STK25: variants seen among roughly 807,000 people sequenced by gnomAD.
STK25 encodes the protein serine/threonine kinase 25.
STK25 carries 29 observed loss-of-function variants against 53.8 expected under a neutral mutation model. That is an observed-to-expected ratio of 0.54 (90% CI 0.40 to 0.74). The LOEUF (loss-of-function observed/expected upper bound fraction) is 0.74, where lower values mean the gene tolerates loss of function less well. Ranked by LOEUF, STK25 falls within the 30% of genes least tolerant of loss-of-function variation. The probability of loss-of-function intolerance (pLI) is 0.00; values close to 1 mark genes in which losing one functional copy is unlikely to be tolerated. For missense variants in STK25, 420 were observed against 568.0 expected (o/e 0.74, Z 2.65); for synonymous variants, 247 against 238.3 (o/e 1.04, Z -0.33).
Position 241,501,674 on chromosome 2 carries a change from T to C in STK25, c.65A>G (p.Lys22Arg), listed in dbSNP as rs2065518833. ...CGAGCCCTTGCCAATGCGGTCGAGC[T>C]TGGTGAAGAGCTCCTCAGGGTCCAC... is the stretch of plus-strand genomic sequence containing the variant. ...SRVDPEELFT[K>R]LDRIGKGSFG... Residue 22 changes from lysine to arginine, a missense_variant, in exon 3 of 12, where the codon AAG becomes AGG. Lys to Arg is a conservative substitution (Grantham distance 26). Coordinates refer to ENST00000316586, the MANE Select transcript of STK25 (RefSeq NM_001271977.2). The surrounding 1 kb of genome is among the most constrained non-coding windows in gnomAD (Gnocchi z 5.3). 6.2e-7 allele frequency: 1 copy of C among 1,613,896 alleles called. No homozygotes were observed.
rs745982508 is a variant in STK25, at chr2:241,496,408, G to A, written c.1231C>T (p.Arg411Ter). 13 of 1,613,168 alleles carry A rather than the reference G, an allele frequency of 8.1e-6. No individual in the cohort carries two copies. Among genetic ancestry groups the A allele is most frequent in the African/African-American group, 2.7e-5 (2 of 74,880 alleles). Residue 411 changes from arginine to a stop codon, truncating the protein, a stop_gained, in exon 11 of 12, where the codon CGA becomes TGA. Coordinates refer to ENST00000316586, the MANE Select transcript of STK25 (RefSeq NM_001271977.2). LOFTEE classifies it high-confidence loss of function. The surrounding 1 kb of genome is among the most constrained non-coding windows in gnomAD (Gnocchi z 5.8). ...CACGGCCGCCCTCACCTCTGCACTC[G>A]CTCCACCAGGTGCACCATCAGCTTG... Reference protein sequence around the residue: ...SDKLMVHLVERVQRFSHNRNH... With the variant: ...SDKLMVHLVE
chr2:241,499,749 C>G (rs763145747), intron 5 of STK25: 1 of 478,064 alleles, frequency 2.1e-6, no homozygotes, highest in South Asian at 2.2e-5. Flanking sequence ...TGCCAGGAAG[C>G]CCCCTGCTCC....
Position 241,495,450 on chromosome 2 carries a change from CAT to C in STK25, c.*210_*211del, listed in dbSNP as rs1425322473. On this transcript the variant is annotated 3_prime_UTR_variant, in exon 12 of 12. Coordinates refer to ENST00000316586, the MANE Select transcript of STK25 (RefSeq NM_001271977.2). ...CCAGGAGAGGGAGGAGGGCAGTGGG[CAT>C]AGAGAACAGCGTCCCTGACGTGCAC... 1 of 580,154 alleles carries C rather than the reference CAT, an allele frequency of 1.7e-6. No homozygotes were observed. Among genetic ancestry groups the C allele is most frequent in the Non-Finnish European group, 3.1e-6 (1 of 323,382 alleles). The allele number at this position is 580,154 out of a possible 1,614,324, so 35.9% of individuals were successfully genotyped here. A position where few individuals can be genotyped will look rare whatever the true frequency, so the allele number is the denominator to read the frequency against.
At chr2:241,499,940 C>A (rs1302144661) in intron 5 of STK25, 2 of 628,846 alleles carry the variant, frequency 3.2e-6, no homozygotes, top group Non-Finnish European at 5.9e-6. Context: ...CCAAGTGTGG[C>A]CCTTTCCTAC....
In STK25 at chr2:241,494,030, G is replaced by A. The variant is rs1208409868; in HGVS notation, c.*1632C>T. On this transcript the variant is annotated 3_prime_UTR_variant, in exon 12 of 12. Coordinates refer to ENST00000316586, the MANE Select transcript of STK25 (RefSeq NM_001271977.2). This position sits in a 1 kb window ranked among gnomAD's most constrained non-coding sequence, Gnocchi z 4.9. ...CAGGTGGATGGAGGTGATCCAGGGG[G>A]CCAGCAGCTCAGCCGGGAGGGCCCC... The A allele has an allele frequency of 1.4e-5, 19 of 1,403,382 alleles. No homozygotes were observed. Among genetic ancestry groups the A allele is most frequent in the Non-Finnish European group, 1.8e-5 (19 of 1,076,766 alleles). The allele number at this position is 1,403,382 out of a possible 1,614,324, so 86.9% of individuals were successfully genotyped here.
chr2:241,503,349 G>T (rs546642225), intron 2 of STK25, among the ~76,000 whole-genome samples: 11 of 151,980 alleles, frequency 7.2e-5, no homozygotes, highest in African/African-American at 2.7e-4. Context: ...ACAGGCGTGA[G>T]CCACCACGCA....
At chr2:241,497,767 G>C (rs2065258440) in intron 9 of STK25, 80 bp from the exon 10 acceptor site, 2 of 1,404,188 alleles carry the variant, frequency 1.4e-6, no homozygotes, top group South Asian at 2.3e-5. Flanking sequence ...CCAGGCTCTA[G>C]CCTTGAAGAG....
rs2124961092 is a variant in STK25 at position 241,498,630 on chromosome 2, G to C, written c.917+9C>G. Reference sequence around the variant, plus strand: ...CTAGGGTCACCATGAGGATAAACCAGGTCCCTACATGTCAGAGTCCTCAGA... The same window carrying C: ...CTAGGGTCACCATGAGGATAAACCACGTCCCTACATGTCAGAGTCCTCAGA... On this transcript the variant is annotated intron_variant, in intron 8 of 11. Coordinates refer to ENST00000316586, the MANE Select transcript of STK25 (RefSeq NM_001271977.2). The C allele has an allele frequency of 6.2e-7, 1 of 1,610,994 alleles. No individual in the cohort carries two copies.
chr2:241,508,099 G>A lies in STK25; in HGVS notation c.-64C>T. On this transcript the variant is annotated 5_prime_UTR_variant, in exon 2 of 12. Transcript: ENST00000316586. Reference sequence around the variant, plus strand: ...AGGCGTCTGGATCCCGCGGAGAGGCGCGGAGCCGGCTAGCTCGCCCCTGCG... The same window carrying A: ...AGGCGTCTGGATCCCGCGGAGAGGCACGGAGCCGGCTAGCTCGCCCCTGCG... The A allele has an allele frequency of 1.9e-6, 3 of 1,553,224 alleles. No homozygotes were observed. The highest frequency in any genetic ancestry group is 1.4e-5 in the African/African-American group (1 of 72,836).
At chr2:241,500,659 G>A (rs2065453910) in intron 4 of STK25, 81 bp downstream of exon 4, 1 of 1,402,392 alleles carries the variant, frequency 7.1e-7, no homozygotes, top group South Asian at 1.2e-5. Flanking sequence ...CAAACGAGAG[G>A]TGGCCCCTGG....
At chr2:241,503,356 C>T (rs997666950) in intron 2 of STK25, among the ~76,000 whole-genome samples, 14 of 151,908 alleles carry the variant, frequency 9.2e-5, no homozygotes, top group Admixed American at 6.6e-4. Context: ...TGAGCCACCA[C>T]GCACGGCCCC....
chr2:241,493,552 G>A lies in STK25; in HGVS notation c.*2110C>T. 3 of 1,025,244 alleles carry A rather than the reference G, an allele frequency of 2.9e-6. No homozygotes were observed. The highest frequency in any genetic ancestry group is 3.0e-6 in the Non-Finnish European group (2 of 676,272). The allele number at this position is 1,025,244 out of a possible 1,614,324, so 63.5% of individuals were successfully genotyped here. ...AAGTTTTCTGGGCCCTGGAAAGGAA[G>A]GGCTGAGCAATGCTTCCAGCATTTC... On this transcript the variant is annotated 3_prime_UTR_variant, in exon 12 of 12. Coordinates refer to ENST00000316586, the MANE Select transcript of STK25 (RefSeq NM_001271977.2).
chr2:241,496,463 C>G lies in STK25; in HGVS notation c.1176G>C (p.Leu392=). The part of the protein sequence containing the change: ...ALEELENAFS[L]AEESCPGISD... ...AGATGCCGGGGCAGGACTCCTCGGC[C>G]AGGCTGAAGGCGTTCTCCAGCTCCT... The change falls in exon 11 of 12, where the codon CTG becomes CTC. Residue 392 remains leucine, a synonymous_variant. Coordinates refer to ENST00000316586, the MANE Select transcript of STK25 (RefSeq NM_001271977.2). The surrounding 1 kb of genome is among the most constrained non-coding windows in gnomAD (Gnocchi z 5.8). The G allele has an allele frequency of 1.2e-6, 2 of 1,613,652 alleles. No individual in the cohort carries two copies. The highest frequency in any genetic ancestry group is 2.2e-5 in the South Asian group (2 of 91,070).
chr2:241,493,102 C>T lies in STK25; in HGVS notation c.*2560G>A. On this transcript the variant is annotated 3_prime_UTR_variant, in exon 12 of 12. Transcript: ENST00000316586. ...CAGACAGACACTTAACCCTGCTCACCTGTGTCCCTTTTGTATTTTGGTTCT... is the reference window on the plus strand; with the variant it reads ...CAGACAGACACTTAACCCTGCTCACTTGTGTCCCTTTTGTATTTTGGTTCT... 1 of 1,135,048 alleles carries T rather than the reference C, an allele frequency of 8.8e-7. No homozygotes were observed. The highest frequency in any genetic ancestry group is 1.3e-6 in the Non-Finnish European group (1 of 745,690). 70.3% of individuals were successfully genotyped at this position (1,135,048 alleles called of 1,614,324 possible).
intron 10 of STK25, 184 bp downstream of exon 10, chr2:241,497,432 G>C: frequency 1.6e-6 from 1 of 624,986 alleles, no homozygotes. Context: ...AGGTCTGGGA[G>C]TACAAAAGGA....
chr2:241,496,686 G>A lies in STK25; in HGVS notation c.1105-152C>T. On this transcript the variant is annotated intron_variant, in intron 10 of 11. Transcript: ENST00000316586. This position sits in a 1 kb window ranked among gnomAD's most constrained non-coding sequence, Gnocchi z 5.8. ...CCTTCAGCAAGCCGGGAAGTGAGGT[G>A]GCCCAAGGAAGCCTCTGCCCCTGCC... 1 of 837,826 alleles carries A rather than the reference G, an allele frequency of 1.2e-6. No individual in the cohort carries two copies. Among genetic ancestry groups the A allele is most frequent in the South Asian group, 1.9e-5 (1 of 53,656 alleles). The allele number at this position is 837,826 out of a possible 1,614,324, so 51.9% of individuals were successfully genotyped here. A position where few individuals can be genotyped will look rare whatever the true frequency, so the allele number is the denominator to read the frequency against.
At position 241,508,471 on chromosome 2, in the gene STK25, C is replaced by T; in HGVS notation, c.-129G>A. ...CGCGGGGCTCCATCCCGGCCTCCCC[C>T]GGCCCGCTCTGCAGCGCCCGCGAAG... On this transcript the variant is annotated 5_prime_UTR_variant, in exon 1 of 12. Transcript: ENST00000316586. 1 of 1,065,418 alleles carries T rather than the reference C, an allele frequency of 9.4e-7. No individual in the cohort carries two copies. Among genetic ancestry groups the T allele is most frequent in the East Asian group, 1.0e-4 (1 of 9,656 alleles). 66.0% of individuals were successfully genotyped at this position (1,065,418 alleles called of 1,614,324 possible).
intron 2 of STK25, among the ~76,000 whole-genome samples, chr2:241,505,570 T>C (rs2065774208): frequency 6.6e-6 from 1 of 152,222 alleles, no homozygotes; most frequent in African/African-American, 2.4e-5. Flanking sequence ...GCTGAGGCCA[T>C]GCTGCTCTCC....
In STK25 at chr2:241,501,839, C is replaced by T. The variant is rs1011096427; in HGVS notation, c.31-131G>A. The T allele has an allele frequency of 3.7e-5, 24 of 644,626 alleles. No individual in the cohort carries two copies. Among genetic ancestry groups the T allele is most frequent in the Non-Finnish European group, 6.1e-5 (23 of 374,136 alleles). 39.9% of individuals were successfully genotyped at this position (644,626 alleles called of 1,614,324 possible). On this transcript the variant is annotated intron_variant, in intron 2 of 11. Transcript: ENST00000316586. The surrounding 1 kb of genome is among the most constrained non-coding windows in gnomAD (Gnocchi z 5.3). ...GAGTCCAAGGGAGCGCACCTCAATT[C>T]TTCTCTGGTTTCTTCCTTTCTCCCT...
Sources: gnomAD v4.1 joint callset for allele counts (sites outside exome capture counted in the v4.1 genomes callset) on GRCh38, gnomAD v4.1.1 for gene constraint, Gnocchi (gnomAD v3.1) non-coding constraint, MANE v1.5 for transcripts, NCBI Gene and HGNC (gene_info 2026-07-23, HGNC 2026-07-21) for gene names.